ANO4: variants seen among roughly 807,000 people sequenced by gnomAD.
ANO4 encodes the protein anoctamin 4, also known as anoctamin-4.
In ANO4, 69 loss-of-function variants were observed where a neutral mutation model predicts 141.9. The observed-to-expected ratio is 0.49, with a 90% CI of 0.40 to 0.59. ANO4 has a LOEUF of 0.59. Ranked by LOEUF, ANO4 falls within the 20% of genes least tolerant of loss-of-function variation. ANO4 has a pLI of 0.00. For synonymous variants in ANO4, 350 were observed against 394.3 expected (o/e 0.89, Z 1.33); for missense variants, 894 against 1,162.2 (o/e 0.77, Z 3.36).
In ANO4 at chr12:100,911,027, G is replaced by A. The variant is rs2041077458; in HGVS notation, c.55+9187G>A. Among the ~76,000 whole-genome samples, 3 of 152,186 alleles carry A rather than the reference G, an allele frequency of 2.0e-5. No individual in the cohort carries two copies. The South Asian group carries it at 6.2e-4, about 32-fold the overall frequency. On this transcript the variant is annotated intron_variant, in intron 2 of 27. Transcript: ENST00000392977. ...ATTAGGATTTTCTTGTTTCCAAACA[G>A]CTAGAATGATTAGTACTGTCTGTAT...
chr12:101,054,293 T>C lies in ANO4; in HGVS notation c.1312+5892T>C, dbSNP rs547887485. ...TACAAGTAAAACACGATTTTGAGTA[T>C]ATTAAATGTAAATGAAAACAGAAAG... On this transcript the variant is annotated intron_variant, in intron 14 of 27. Coordinates refer to ENST00000392977, the MANE Select transcript of ANO4 (RefSeq NM_001286615.2). 3.9e-5 allele frequency among the ~76,000 whole-genome samples: 6 copies of C among 152,330 alleles called. No individual in the cohort carries two copies. The East Asian group carries it at 9.6e-4, about 24-fold the overall frequency.
At chr12:100,912,123 C>T (rs1439734350) in intron 2 of ANO4, among the ~76,000 whole-genome samples, 8 of 151,950 alleles carry the variant, frequency 5.3e-5, no homozygotes, top group East Asian at 1.9e-4. Flanking sequence ...TGGCCGGGCG[C>T]GGTGGCTCAT....
intron 2 of ANO4, among the ~76,000 whole-genome samples, chr12:100,920,617 A>G (rs2041587277): frequency 6.7e-6 from 1 of 149,150 alleles, no homozygotes; most frequent in Admixed American, 6.8e-5. Context: ...TGTCTAAGAA[A>G]CTCTCATAAG....
At chr12:100,894,213 G>A (rs555908650) in intron 1 of ANO4, among the ~76,000 whole-genome samples, 115 of 152,214 alleles carry the variant, frequency 7.6e-4, no homozygotes, top group Admixed American at 7.5e-3. Context: ...ACATGCTGAT[G>A]CTAATCTGTC....
Position 101,086,839 on chromosome 12 carries a change from G to C in ANO4, c.1701+15G>C, listed in dbSNP as rs1266714126. The C allele has an allele frequency of 9.3e-6, 15 of 1,610,090 alleles. No homozygotes were observed. Among genetic ancestry groups the C allele is most frequent in the Non-Finnish European group, 1.2e-5 (14 of 1,177,024 alleles). Reference sequence around the variant, plus strand: ...TGCTGAATGTGGTAAGTGAGCTGCAGTGGCTAGCCAAACGGATCAAAATGT... The same window carrying C: ...TGCTGAATGTGGTAAGTGAGCTGCACTGGCTAGCCAAACGGATCAAAATGT... On this transcript the variant is annotated intron_variant, in intron 17 of 27. Transcript: ENST00000392977.
At chr12:101,071,567 AGAG>A (rs2136802939) in intron 14 of ANO4, among the ~76,000 whole-genome samples, 1 of 151,978 alleles carries the variant, frequency 6.6e-6, no homozygotes, top group South Asian at 2.1e-4. Flanking sequence ...GGAGGGCTGA[AGAG>A]GAGGGGGGAT....
intron 3 of ANO4, among the ~76,000 whole-genome samples, chr12:100,769,475 AGTT>A (rs2135548051): frequency 6.6e-6 from 1 of 152,260 alleles, no homozygotes; most frequent in East Asian, 1.9e-4. Flanking sequence ...TACCCTTACC[AGTT>A]GTTGTCCATG....
chr12:101,073,566 TATAATAATAATA>T (rs55723203), intron 14 of ANO4, among the ~76,000 whole-genome samples: 8 of 143,638 alleles, frequency 5.6e-5, no homozygotes, highest in East Asian at 2.1e-4. Context: ...GAACTTAAAG[TATAATAATAATA>T]ATAATAATAA....
intron 1 of ANO4, among the ~76,000 whole-genome samples, chr12:100,798,034 T>C (rs972298042): frequency 6.6e-6 from 1 of 152,216 alleles, no homozygotes; most frequent in Non-Finnish European, 1.5e-5. Flanking sequence ...CATAGTTGAT[T>C]ACCAGGACCA....
At chr12:100,858,357 T>C (rs1282388597) in intron 1 of ANO4, among the ~76,000 whole-genome samples, 1 of 152,126 alleles carries the variant, frequency 6.6e-6, no homozygotes, top group African/African-American at 2.4e-5. Flanking sequence ...AGTAAAAATA[T>C]GATATTATAA....
Position 101,017,426 on chromosome 12 carries a change from C to T in ANO4, c.735-2608C>T, listed in dbSNP as rs530392886. ...GAAGAGTGTGGGGACACAGCTAAAC[C>T]ATATCAAGCACCACACTGCATTTCA... On this transcript the variant is annotated intron_variant, in intron 8 of 27. Coordinates refer to ENST00000392977, the MANE Select transcript of ANO4 (RefSeq NM_001286615.2). 6.6e-5 allele frequency among the ~76,000 whole-genome samples: 10 copies of T among 152,270 alleles called. No individual in the cohort carries two copies. In the East Asian group the frequency reaches 1.7e-3, roughly 27 times the overall value.
rs1444033920 is a variant in ANO4 at position 100,900,272 on chromosome 12, C to T, written c.-140-1374C>T. 2.0e-5 allele frequency among the ~76,000 whole-genome samples: 3 copies of T among 151,152 alleles called. No individual in the cohort carries two copies. In the East Asian group the frequency reaches 5.8e-4, roughly 29 times the overall value. On this transcript the variant is annotated intron_variant, in intron 1 of 27. Coordinates refer to ENST00000392977, the MANE Select transcript of ANO4 (RefSeq NM_001286615.2). ...CTCTCTCTCTCCCTCTCCCACCCTCCCTCCTTCTTTCTCTTTTTATTTACT... is the reference window on the plus strand; with the variant it reads ...CTCTCTCTCTCCCTCTCCCACCCTCTCTCCTTCTTTCTCTTTTTATTTACT...
At chr12:101,041,137 G>A (rs542861566) in intron 11 of ANO4, among the ~76,000 whole-genome samples, 9 of 152,252 alleles carry the variant, frequency 5.9e-5, no homozygotes, top group Admixed American at 1.3e-4. Context: ...AGAAAGTCAT[G>A]TCTCATTTCC....
intron 1 of ANO4, among the ~76,000 whole-genome samples, chr12:100,849,872 G>A (rs1258157381): frequency 1.3e-5 from 2 of 152,126 alleles, no homozygotes; most frequent in African/African-American, 2.4e-5. Context: ...GACCTTGTGG[G>A]CTCCGGATCA....
At chr12:101,104,076 G>A (rs1226362134) in intron 22 of ANO4, among the ~76,000 whole-genome samples, 1 of 151,794 alleles carries the variant, frequency 6.6e-6, no homozygotes, top group African/African-American at 2.4e-5. Flanking sequence ...AGGGTGTATA[G>A]TGATGCCCTT....
chr12:100,764,952 G>A (rs1372188596), intron 3 of ANO4, among the ~76,000 whole-genome samples: 1 of 152,106 alleles, frequency 6.6e-6, no homozygotes, highest in Non-Finnish European at 1.5e-5. Context: ...ATCTGGCTTT[G>A]GTATTAGGGT....
intron 1 of ANO4, among the ~76,000 whole-genome samples, chr12:100,889,786 T>C (rs1046256183): frequency 2.6e-5 from 4 of 152,206 alleles, no homozygotes; most frequent in Non-Finnish European, 5.9e-5. Flanking sequence ...TTTACACTGT[T>C]GGTGGGATGT....
intron 7 of ANO4, among the ~76,000 whole-genome samples, chr12:100,980,176 G>A (rs2044395788): frequency 6.6e-6 from 1 of 152,168 alleles, no homozygotes; most frequent in African/African-American, 2.4e-5. Context: ...GGAAGACTCT[G>A]GGCCAAGCTA....
intron 3 of ANO4, among the ~76,000 whole-genome samples, chr12:100,777,939 T>C (rs1308396430): frequency 7.7e-5 from 7 of 90,662 alleles, no homozygotes; most frequent in Non-Finnish European, 9.0e-5. Flanking sequence ...TTTTTTTTTG[T>C]GACGGAGTCT....
Sources: gnomAD v4.1 joint callset for allele counts (sites outside exome capture counted in the v4.1 genomes callset) on GRCh38, gnomAD v4.1.1 for gene constraint, MANE v1.5 for transcripts, NCBI Gene and HGNC (gene_info 2026-07-23, HGNC 2026-07-21) for gene names.